The following PI15 variants were observed in gnomAD, a reference collection of about 807,000 sequenced individuals.
PI15 encodes peptidase inhibitor 15.
In PI15, 18 loss-of-function variants were observed where a neutral mutation model predicts 31.0. That is an observed-to-expected ratio of 0.58 (90% CI 0.40 to 0.86). PI15 has a LOEUF of 0.86. PI15 is among the 40% of genes least tolerant of loss of function. The pLI is 0.00. For missense variants in PI15, 282 were observed against 328.1 expected (o/e 0.86, Z 1.09); for synonymous variants, 118 against 119.1 (o/e 0.99, Z 0.06).
At chr8:74,838,272 T>C (rs893785252) in intron 2 of PI15, among the ~76,000 whole-genome samples, 4 of 152,090 alleles carry the variant, frequency 2.6e-5, no homozygotes, top group Non-Finnish European at 1.5e-5. Flanking sequence ...TTCAAGTATT[T>C]ATATGCATAT....
chr8:74,826,273 T>C, intron 2 of PI15: 2 of 966,056 alleles, frequency 2.1e-6, no homozygotes, highest in South Asian at 4.8e-5. Context: ...TGCAAGGTTA[T>C]GATTTAAAGT....
rs1402954884 is a variant in PI15, at chr8:74,850,770, A to T, written c.*1517A>T. 1 of 152,206 alleles carries T rather than the reference A, an allele frequency of 6.6e-6. No individual in the cohort carries two copies. Among genetic ancestry groups the T allele is most frequent in the Non-Finnish European group, 1.5e-5 (1 of 68,018 alleles). 9.4% of individuals were successfully genotyped at this position (152,206 alleles called of 1,614,324 possible). ...TTTGGAAATGCAACATTTTCCTATC[A>T]TGAAATCTCTTTCAGAGAGGAGAAT... On this transcript the variant is annotated 3_prime_UTR_variant, in exon 6 of 6. Coordinates refer to ENST00000260113, the MANE Select transcript of PI15 (RefSeq NM_015886.5).
chr8:74,833,867 C>T (rs1489601703), intron 2 of PI15, among the ~76,000 whole-genome samples: 1 of 152,214 alleles, frequency 6.6e-6, no homozygotes, highest in Non-Finnish European at 1.5e-5. Flanking sequence ...TCCCAGGCTG[C>T]AGACCAGTGC....
chr8:74,844,855 T>A, intron 3 of PI15: 1 of 381,518 alleles, frequency 2.6e-6, no homozygotes, highest in East Asian at 4.2e-5. Context: ...CATTGATGAT[T>A]CCTGAAATTA....
Position 74,849,371 on chromosome 8 carries a change from T to C in PI15, c.*118T>C. 1.4e-6 allele frequency: 1 copy of C among 690,222 alleles called. No individual in the cohort carries two copies. Among genetic ancestry groups the C allele is most frequent in the East Asian group, 2.9e-5 (1 of 34,924 alleles). 42.8% of individuals were successfully genotyped at this position (690,222 alleles called of 1,614,324 possible). A position where few individuals can be genotyped will look rare whatever the true frequency, so the allele number is the denominator to read the frequency against. ...ATTTTGTGCTAATCTTGTTTTCCTC[T>C]TAGTATTCCTTTGTATAAATTAGTG... On this transcript the variant is annotated 3_prime_UTR_variant, in exon 6 of 6. Coordinates refer to ENST00000260113, the MANE Select transcript of PI15 (RefSeq NM_015886.5).
intron 3 of PI15, chr8:74,844,843 G>A (rs1053743623): frequency 2.9e-6 from 1 of 347,394 alleles, no homozygotes; most frequent in South Asian, 6.4e-5. Context: ...GATTAAATAA[G>A]ACATTGATGA....
chr8:74,842,415 A>C (rs1217448880), intron 2 of PI15, among the ~76,000 whole-genome samples: 1 of 152,166 alleles, frequency 6.6e-6, no homozygotes, highest in Non-Finnish European at 1.5e-5. Context: ...ATATATAAAT[A>C]TTATAAATAG....
chr8:74,843,981 G>A lies in PI15; in HGVS notation c.274G>A (p.Val92Ile). 6.6e-7 allele frequency: 1 copy of A among 1,507,450 alleles called. No homozygotes were observed. The highest frequency in any genetic ancestry group is 1.1e-5 in the South Asian group (1 of 89,030). The allele number at this position is 1,507,450 out of a possible 1,614,324, so 93.4% of individuals were successfully genotyped here. A position where few individuals can be genotyped will look rare whatever the true frequency, so the allele number is the denominator to read the frequency against. ...CGCTGAAGATTTTTTTCCCCTACAG[G>A]TTTGGGATGAAAATCTTGCAAAATC... ...FPPAANMEYM[V>I]WDENLAKSAE... The change falls in exon 3 of 6, where the codon GTT becomes ATT. Residue 92 changes from valine (V) to isoleucine (I), a missense_variant and splice_region_variant. By Grantham distance (29) the Val-to-Ile change is conservative. Transcript: ENST00000260113.
chr8:74,835,631 C>T (rs978393718), intron 2 of PI15, among the ~76,000 whole-genome samples: 1 of 152,160 alleles, frequency 6.6e-6, no homozygotes. Flanking sequence ...TTCTAGAAAA[C>T]ATGTGAGCAC....
intron 2 of PI15, among the ~76,000 whole-genome samples, chr8:74,842,078 A>G (rs1452783617): frequency 6.6e-6 from 1 of 152,062 alleles, no homozygotes; most frequent in African/African-American, 2.4e-5. Context: ...ATGTTGTTAC[A>G]TTAAATAAAT....
At chr8:74,829,277 T>G (rs1810745348) in intron 2 of PI15, among the ~76,000 whole-genome samples, 1 of 152,076 alleles carries the variant, frequency 6.6e-6, no homozygotes, top group South Asian at 2.1e-4. Flanking sequence ...AATTAAAAAG[T>G]TTTTCTTAAA....
chr8:74,835,259 T>C (rs1456229247), intron 2 of PI15, among the ~76,000 whole-genome samples: 1 of 152,146 alleles, frequency 6.6e-6, no homozygotes, highest in East Asian at 1.9e-4. Flanking sequence ...ACGTGTTACA[T>C]TGGGTATTTC....
chr8:74,848,957 T>C (rs1811065002), intron 5 of PI15, among the ~76,000 whole-genome samples, 161 bp from the exon 6 acceptor site: 1 of 152,092 alleles, frequency 6.6e-6, no homozygotes, highest in Non-Finnish European at 1.5e-5. Flanking sequence ...AATAAGTTAC[T>C]ATTGAAATAA....
At chr8:74,848,681 T>C (rs1331933803) in intron 5 of PI15, among the ~76,000 whole-genome samples, 7 of 146,798 alleles carry the variant, frequency 4.8e-5, no homozygotes, top group African/African-American at 1.7e-4. Flanking sequence ...TCAACAATAC[T>C]AAGAATATAT....
Position 74,840,686 on chromosome 8 carries a change from C to T in PI15, c.274-3295C>T, listed in dbSNP as rs561546443. ...AAAGAGCATGGGGCCCTCTGACTTCCGCTGCAGTGGGCATCAGAGGGTAGG... is the reference window on the plus strand; with the variant it reads ...AAAGAGCATGGGGCCCTCTGACTTCTGCTGCAGTGGGCATCAGAGGGTAGG... On this transcript the variant is annotated intron_variant, in intron 2 of 5. Coordinates refer to ENST00000260113, the MANE Select transcript of PI15 (RefSeq NM_015886.5). Among the ~76,000 whole-genome samples, 11 of 152,314 alleles carry T rather than the reference C, an allele frequency of 7.2e-5. No individual in the cohort carries two copies. In the South Asian group the frequency reaches 1.0e-3, roughly 14 times the overall value.
At chr8:74,829,669 GA>G (rs879502367) in intron 2 of PI15, among the ~76,000 whole-genome samples, 63 of 152,054 alleles carry the variant, frequency 4.1e-4, no homozygotes, top group Non-Finnish European at 7.8e-4. Flanking sequence ...AAAACAAATG[GA>G]AAAAAATTCC....
chr8:74,838,754 G>A (rs1377596609), intron 2 of PI15, among the ~76,000 whole-genome samples: 1 of 152,094 alleles, frequency 6.6e-6, no homozygotes, highest in Non-Finnish European at 1.5e-5. Flanking sequence ...CCCAATTAAA[G>A]AGGAAAAAAA....
intron 2 of PI15, among the ~76,000 whole-genome samples, chr8:74,837,560 A>G (rs1013645668): frequency 6.6e-6 from 1 of 152,214 alleles, no homozygotes; most frequent in Non-Finnish European, 1.5e-5. Context: ...TGACTGCCCT[A>G]AAGGAAAATA....
intron 2 of PI15, among the ~76,000 whole-genome samples, chr8:74,831,068 T>C (rs140214712): frequency 0.015 from 2,263 of 152,284 alleles, 33 homozygotes; most frequent in Non-Finnish European, 0.023. Flanking sequence ...CTGAAGAAGG[T>C]AGTAACCTTA....
Sources: gnomAD v4.1 joint callset for allele counts (sites outside exome capture counted in the v4.1 genomes callset) on GRCh38, gnomAD v4.1.1 for gene constraint, MANE v1.5 for transcripts, NCBI Gene and HGNC (gene_info 2026-07-23, HGNC 2026-07-21) for gene names.